SCAF8: variants seen among roughly 807,000 people sequenced by gnomAD.
The protein encoded by SCAF8 is SR-related CTD associated factor 8, also known as SR-related and CTD-associated factor 8.
Under a neutral mutation model 140.5 loss-of-function variants are expected in SCAF8, and 23 were observed. The observed-to-expected ratio is 0.16, with a 90% CI of 0.12 to 0.23. The LOEUF is 0.23. Among genes scored for constraint, SCAF8 ranks in the 10% least tolerant of loss-of-function variants. The probability of loss-of-function intolerance (pLI) is 1.00; values close to 1 mark genes in which losing one functional copy is unlikely to be tolerated. For missense variants in SCAF8, 1,397 were observed against 1,555.7 expected, an observed-to-expected ratio of 0.90 and a Z score of 1.72; for synonymous variants, 575 against 528.9, an observed-to-expected ratio of 1.09 and a Z score of -1.20.
rs1329177428 is a variant in SCAF8, at chr6:154,733,448, T to C, written c.-453T>C. The stretch of plus-strand genomic sequence containing the variant: ...ATGCCGCAGCCGCTGCTGCCAGCGC[T>C]TCCTCCTCTGTCTTCGCCGAGCGGG... On this transcript the variant is annotated 5_prime_UTR_variant, in exon 1 of 20. Transcript: ENST00000367178. 2.9e-6 allele frequency: 4 copies of C among 1,391,184 alleles called. No homozygotes were observed. The highest frequency in any genetic ancestry group is 6.1e-5 in the Admixed American group (2 of 32,744). The allele number at this position is 1,391,184 out of a possible 1,614,324, so 86.2% of individuals were successfully genotyped here.
intron 16 of SCAF8, among the ~76,000 whole-genome samples, chr6:154,823,991 A>AG (rs1778492947): frequency 6.6e-6 from 1 of 152,204 alleles, no homozygotes; most frequent in Non-Finnish European, 1.5e-5. Context: ...GGTGACCATT[A>AG]GTTTACATCA....
rs1778320976 is a variant in SCAF8 at position 154,733,632 on chromosome 6, G to GCCCGCCGCCGA, written c.-262_-252dup. The GCCCGCCGCCGA allele has an allele frequency of 1.1e-6, 1 of 902,206 alleles. No homozygotes were observed. Among genetic ancestry groups the GCCCGCCGCCGA allele is most frequent in the East Asian group, 6.6e-5 (1 of 15,066 alleles). 55.9% of individuals were successfully genotyped at this position (902,206 alleles called of 1,614,324 possible). A position where few individuals can be genotyped will look rare whatever the true frequency, so the allele number is the denominator to read the frequency against. ...GGCGCCGCGGCCCAGCCCCTCCCCC[G>GCCCGCCGCCGA]CCCGCCGCCGACCCGCCCCGGCAGC... On this transcript the variant is annotated 5_prime_UTR_variant, in exon 1 of 20. Transcript: ENST00000367178.
intron 12 of SCAF8, among the ~76,000 whole-genome samples, chr6:154,812,830 GA>G (rs1778135700): frequency 6.6e-6 from 1 of 152,052 alleles, no homozygotes; most frequent in South Asian, 2.1e-4. Context: ...AGATAATATT[GA>G]AAGAGATGGG....
chr6:154,779,191 C>T (rs977848527), intron 3 of SCAF8, among the ~76,000 whole-genome samples: 3 of 152,098 alleles, frequency 2.0e-5, no homozygotes, highest in Non-Finnish European at 4.4e-5. Context: ...CGCCACCACG[C>T]CCAGCTAATT....
Position 154,802,120 on chromosome 6 carries a change from C to G in SCAF8, c.756C>G (p.Pro252=). 1 of 1,603,786 alleles carries G rather than the reference C, an allele frequency of 6.2e-7. No homozygotes were observed. Among genetic ancestry groups the G allele is most frequent in the Non-Finnish European group, 8.5e-7 (1 of 1,176,034 alleles). Residue 252 remains proline (P), a synonymous_variant, in exon 7 of 20, where the codon CCC becomes CCG. Coordinates refer to ENST00000367178, the MANE Select transcript of SCAF8 (RefSeq NM_014892.5). ...AAAAAANTLT[P]LEQGVSFNKK... is the part of the protein sequence containing the mutation. ...CTGCAGCTGCCAACACTCTTACTCC[C>G]TTAGAACAGGGAGTCTCCTTTAACA...
intron 3 of SCAF8, among the ~76,000 whole-genome samples, chr6:154,786,764 G>A (rs1333581989): frequency 6.6e-6 from 1 of 152,188 alleles, no homozygotes; most frequent in Admixed American, 6.5e-5. Flanking sequence ...CTAATGGTAC[G>A]TAAAGAGGAA....
At chr6:154,768,337 T>A (rs1422593711) in intron 1 of SCAF8, among the ~76,000 whole-genome samples, 3 of 152,234 alleles carry the variant, frequency 2.0e-5, no homozygotes, top group Non-Finnish European at 4.4e-5. Context: ...AGGTTCATGT[T>A]ACTCCACTAA....
intron 3 of SCAF8, among the ~76,000 whole-genome samples, chr6:154,783,726 A>C: frequency 1.3e-5 from 2 of 152,302 alleles, no homozygotes; most frequent in Middle Eastern, 6.8e-3. Flanking sequence ...CGAAACATTT[A>C]TTCTTCTCTT....
chr6:154,754,673 C>T (rs552347768), intron 1 of SCAF8, among the ~76,000 whole-genome samples: 14 of 152,296 alleles, frequency 9.2e-5, no homozygotes, highest in African/African-American at 2.9e-4. Flanking sequence ...CTCCCTGTCT[C>T]TTTCAAATTT....
At chr6:154,773,295 G>A (rs1776824296) in intron 1 of SCAF8, among the ~76,000 whole-genome samples, 1 of 152,092 alleles carries the variant, frequency 6.6e-6, no homozygotes, top group Non-Finnish European at 1.5e-5. Context: ...CATATAAATG[G>A]AATTATATAA....
chr6:154,735,140 A>T (rs904621757), intron 1 of SCAF8, among the ~76,000 whole-genome samples: 4 of 151,402 alleles, frequency 2.6e-5, no homozygotes, highest in African/African-American at 9.8e-5. Flanking sequence ...AAAAAAAAAG[A>T]AAAAGAAAAA....
chr6:154,802,973 G>A (rs1048259312), intron 7 of SCAF8, among the ~76,000 whole-genome samples: 2 of 152,002 alleles, frequency 1.3e-5, no homozygotes, highest in African/African-American at 4.8e-5. Flanking sequence ...TTCTTAGTAT[G>A]CTTATTAATT....
In SCAF8 at chr6:154,754,810, C is replaced by T. The variant is rs1235605575; in HGVS notation, c.31-19179C>T. ...TATTCCTTATCTTTTCAACTATTAT[C>T]TCTTCAGAAATTACTTGTATTTTTT... On this transcript the variant is annotated intron_variant, in intron 1 of 19. Coordinates refer to ENST00000367178, the MANE Select transcript of SCAF8 (RefSeq NM_014892.5). 2.0e-5 allele frequency among the ~76,000 whole-genome samples: 3 copies of T among 152,110 alleles called. No homozygotes were observed. The East Asian group carries it at 5.8e-4, about 29-fold the overall frequency.
intron 1 of SCAF8, among the ~76,000 whole-genome samples, chr6:154,746,271 T>C (rs1778696679): frequency 6.6e-6 from 1 of 152,362 alleles, no homozygotes; most frequent in African/African-American, 2.4e-5. Flanking sequence ...GGCTCCTTTG[T>C]CCTTTTGACA....
At chr6:154,746,952 A>G (rs1440018741) in intron 1 of SCAF8, among the ~76,000 whole-genome samples, 1 of 152,242 alleles carries the variant, frequency 6.6e-6, no homozygotes, top group Admixed American at 6.5e-5. Flanking sequence ...ATGCTCTGAT[A>G]AAAAACCAAA....
At chr6:154,820,453 A>T in intron 15 of SCAF8, 120 bp downstream of exon 15, 1 of 757,502 alleles carries the variant, frequency 1.3e-6, no homozygotes, top group South Asian at 1.8e-5. Context: ...AAAAAAGAGA[A>T]AAGATACATT....
At chr6:154,820,380 A>G (rs1286385854) in intron 15 of SCAF8, 47 bp downstream of exon 15, 2 of 1,514,792 alleles carry the variant, frequency 1.3e-6, no homozygotes, top group Non-Finnish European at 1.8e-6. Flanking sequence ...GTATGCTTAG[A>G]AGGTTGTAGC....
At position 154,784,155 on chromosome 6, in the gene SCAF8, A is replaced by ATT. The variant is rs1554260676; in HGVS notation, c.160-3705_160-3704insTT. 5.3e-3 allele frequency among the ~76,000 whole-genome samples: 484 copies of ATT among 91,854 alleles called. 3 individuals carry two copies. Among genetic ancestry groups the ATT allele is most frequent in the Non-Finnish European group, 6.6e-3 (293 of 44,514 alleles). 60.3% of individuals were successfully genotyped at this position (91,854 alleles called of 152,430 possible). ...TATATATATATATATATATATATATATATTTATTTATTTATTTTTCATGTA... is the reference window on the plus strand; with the variant it reads ...TATATATATATATATATATATATATATTTATTTATTTATTTATTTTTCATGTA... On this transcript the variant is annotated intron_variant, in intron 3 of 19. Transcript: ENST00000367178.
intron 6 of SCAF8, among the ~76,000 whole-genome samples, chr6:154,798,305 T>C (rs1273347993): frequency 6.6e-6 from 1 of 151,500 alleles, no homozygotes. Flanking sequence ...GTTATACAGA[T>C]GACAATTAAA....
Sources: gnomAD v4.1 joint callset for allele counts (sites outside exome capture counted in the v4.1 genomes callset) on GRCh38, gnomAD v4.1.1 for gene constraint, MANE v1.5 for transcripts, NCBI Gene and HGNC (gene_info 2026-07-23, HGNC 2026-07-21) for gene names.